Variants in ARMC7 observed in about 807,000 individuals in gnomAD.
The protein encoded by ARMC7 is armadillo repeat-containing protein 7.
In ARMC7, 9 loss-of-function variants were observed where a neutral mutation model predicts 14.8. That is an observed-to-expected ratio of 0.61 (90% confidence interval 0.37 to 1.06). ARMC7 has a LOEUF of 1.06. Ranked by LOEUF, ARMC7 falls within the 50% of genes least tolerant of loss-of-function variation. ARMC7 has a pLI of 0.01. For missense variants in ARMC7, 262 were observed against 267.1 expected (o/e 0.98, Z 0.13); for synonymous variants, 125 against 123.4 (o/e 1.01, Z -0.09).
intron 2 of ARMC7, among the ~76,000 whole-genome samples, chr17:75,121,752 G>A (rs1161111269): frequency 6.6e-6 from 1 of 152,130 alleles, no homozygotes; most frequent in Non-Finnish European, 1.5e-5. Flanking sequence ...TGAGTGTGTA[G>A]TGGCATGTTC....
chr17:75,110,953 C>CA (rs537195116), intron 2 of ARMC7, among the ~76,000 whole-genome samples: 11,603 of 48,528 alleles, frequency 0.24, 1,437 homozygotes, highest in African/African-American at 0.32. Context: ...GACCCCGTCT[C>CA]AAAAAAAAAA....
chr17:75,128,401 GA>G (rs2074068511), intron 2 of ARMC7, among the ~76,000 whole-genome samples: 1 of 151,790 alleles, frequency 6.6e-6, no homozygotes, highest in South Asian at 2.1e-4. Flanking sequence ...TTACATTTAA[GA>G]AAGGGGAAAA....
Position 75,129,023 on chromosome 17 carries a change from C to A in ARMC7, c.582C>A (p.Ala194=), listed in dbSNP as rs773019220. Residue 194 remains alanine, a synonymous_variant, in exon 3 of 3, where the codon GCC becomes GCA. Transcript: ENST00000245543. ...GTATCCCACTGCCGAGGAGCGTGGC[C>A]CCACGGCAGCGCTGATCCATGGAGA... The part of the protein sequence containing the change: ...ALGIPLPRSV[A]PRQR The A allele has an allele frequency of 7.5e-6, 12 of 1,597,098 alleles. No homozygotes were observed. The highest frequency in any genetic ancestry group is 9.3e-6 in the Non-Finnish European group (11 of 1,178,682).
At position 75,128,945 on chromosome 17, in the gene ARMC7, C is replaced by T. The variant is rs772617413; in HGVS notation, c.504C>T (p.Cys168=). ...NLAQIFLEDF[C]SPRQVAEARS... is the part of the protein sequence containing the mutation. Reference sequence around the variant, plus strand: ...CACAGATCTTCCTGGAGGACTTCTGCTCCCCCCGCCAGGTGGCCGAGGCCC... The same window carrying T: ...CACAGATCTTCCTGGAGGACTTCTGTTCCCCCCGCCAGGTGGCCGAGGCCC... Residue 168 remains cysteine (C), a synonymous_variant, in exon 3 of 3, where the codon TGC becomes TGT. Transcript: ENST00000245543. 1.2e-5 allele frequency: 20 copies of T among 1,606,258 alleles called. No homozygotes were observed. In the East Asian group the frequency reaches 4.5e-4, roughly 36 times the overall value.
At chr17:75,128,124 G>A (rs2074065331) in intron 2 of ARMC7, among the ~76,000 whole-genome samples, 3 of 151,960 alleles carry the variant, frequency 2.0e-5, no homozygotes, top group Admixed American at 6.6e-5. Context: ...GCCCAGGCTG[G>A]AGTGCAGTGA....
At chr17:75,113,479 C>A (rs1219763736) in intron 2 of ARMC7, among the ~76,000 whole-genome samples, 1 of 151,634 alleles carries the variant, frequency 6.6e-6, no homozygotes, top group African/African-American at 2.4e-5. Context: ...CTCAGCCTCC[C>A]AAGTAGCTGG....
Position 75,113,179 on chromosome 17 carries a change from A to C in ARMC7, c.235+2573A>C, listed in dbSNP as rs568978861. On this transcript the variant is annotated intron_variant, in intron 2 of 2. Coordinates refer to ENST00000245543, the MANE Select transcript of ARMC7 (RefSeq NM_024585.4). ...TATGGGATTATAGGCGCCCGCCACC[A>C]CGCCCGGCTAATTTTTGTGTTTTTA... Among the ~76,000 whole-genome samples, 4 of 150,610 alleles carry C rather than the reference A, an allele frequency of 2.7e-5. No homozygotes were observed. The East Asian group carries it at 7.9e-4, about 30-fold the overall frequency.
Position 75,128,660 on chromosome 17 carries a change from TC to T in ARMC7, c.236-15del. On this transcript the variant is annotated splice_polypyrimidine_tract_variant and intron_variant, in intron 2 of 2. Coordinates refer to ENST00000245543, the MANE Select transcript of ARMC7 (RefSeq NM_024585.4). ...CCCGGGGCTACAGCATCCAGACTCT[TC>T]CTTGCTCTCCCACAGGAGGCCTGTG... 1 of 1,602,634 alleles carries T rather than the reference TC, an allele frequency of 6.2e-7. No individual in the cohort carries two copies. Among genetic ancestry groups the T allele is most frequent in the Non-Finnish European group, 8.5e-7 (1 of 1,173,176 alleles).
chr17:75,119,911 TG>T (rs1356299036), intron 2 of ARMC7, among the ~76,000 whole-genome samples: 2 of 151,704 alleles, frequency 1.3e-5, no homozygotes, highest in Admixed American at 1.3e-4. Flanking sequence ...CACCTCGTTT[TG>T]TTTTGTTTTT....
intron 2 of ARMC7, 118 bp from the exon 3 acceptor site, chr17:75,128,559 T>C: frequency 7.2e-7 from 1 of 1,394,918 alleles, no homozygotes; most frequent in Non-Finnish European, 9.6e-7. Context: ...GGGCTTTGGA[T>C]GCCTTGTGCT....
intron 2 of ARMC7, among the ~76,000 whole-genome samples, chr17:75,119,852 T>G (rs1161422764): frequency 6.6e-6 from 1 of 152,160 alleles, no homozygotes; most frequent in Non-Finnish European, 1.5e-5. Context: ...GCCGAGGGCC[T>G]GCCCAGCCAC....
At chr17:75,122,519 GC>G (rs1397893806) in intron 2 of ARMC7, among the ~76,000 whole-genome samples, 1 of 151,306 alleles carries the variant, frequency 6.6e-6, no homozygotes, top group Non-Finnish European at 1.5e-5. Flanking sequence ...GTGCCACCAC[GC>G]CCAGCTAATT....
At chr17:75,110,735 G>A in intron 2 of ARMC7, 129 bp downstream of exon 2, 4 of 1,286,650 alleles carry the variant, frequency 3.1e-6, no homozygotes, top group Non-Finnish European at 4.3e-6. Context: ...AGCTAAGGCG[G>A]GCGGATCACC....
Position 75,124,801 on chromosome 17 carries a change from C to T in ARMC7, c.236-3876C>T, listed in dbSNP as rs180749479. ...ACTCAGTCTCTCATAGCCTTGACTTCTCCCATGGAAATGGGGGTGATGTTA... is the reference window on the plus strand; with the variant it reads ...ACTCAGTCTCTCATAGCCTTGACTTTTCCCATGGAAATGGGGGTGATGTTA... On this transcript the variant is annotated intron_variant, in intron 2 of 2. Coordinates refer to ENST00000245543, the MANE Select transcript of ARMC7 (RefSeq NM_024585.4). Among the ~76,000 whole-genome samples, 527 of 151,924 alleles carry T rather than the reference C, an allele frequency of 3.5e-3. 1 individual carries two copies. The highest frequency in any genetic ancestry group is 4.0e-3 in the Non-Finnish European group (271 of 67,692).
At chr17:75,123,323 C>G (rs2145131095) in intron 2 of ARMC7, among the ~76,000 whole-genome samples, 1 of 149,904 alleles carries the variant, frequency 6.7e-6, no homozygotes, top group South Asian at 2.1e-4. Context: ...GCTGGGATGA[C>G]AGGCATGAGC....
At chr17:75,117,834 C>T (rs972066375) in intron 2 of ARMC7, among the ~76,000 whole-genome samples, 5 of 152,036 alleles carry the variant, frequency 3.3e-5, no homozygotes, top group Non-Finnish European at 5.9e-5. Flanking sequence ...AAGATGTTAT[C>T]TTTAGGCCGG....
chr17:75,110,606 G>A lies in ARMC7; in HGVS notation c.235G>A (p.Gly79Arg). 6.2e-7 allele frequency: 1 copy of A among 1,614,198 alleles called. No individual in the cohort carries two copies. Among genetic ancestry groups the A allele is most frequent in the Non-Finnish European group, 8.5e-7 (1 of 1,180,038 alleles). ...TGAGACCCTGGTGGAGTTTGCTATT[G>A]GTAAGGGCGGGGCCCGTTCCCTAGA... ...ENETLVEFAI[G>R]GLCNLCPDRA... The change falls in exon 2 of 3, where the codon GGA (glycine) becomes AGA (arginine). Residue 79 changes from glycine to arginine, a missense_variant and splice_region_variant. By Grantham distance (125) the Gly-to-Arg change is moderately radical. Transcript: ENST00000245543.
chr17:75,126,313 C>T (rs1016170741), intron 2 of ARMC7, among the ~76,000 whole-genome samples: 1 of 152,128 alleles, frequency 6.6e-6, no homozygotes, highest in Non-Finnish European at 1.5e-5. Flanking sequence ...GGGGGCCTGA[C>T]TTGAGGGAAT....
intron 2 of ARMC7, among the ~76,000 whole-genome samples, chr17:75,127,525 C>T (rs1001472602): frequency 6.6e-6 from 1 of 152,204 alleles, no homozygotes; most frequent in African/African-American, 2.4e-5. Context: ...TCTGGAACTC[C>T]TGACCTCAGG....
Sources: allele counts gnomAD v4.1 joint callset (sites outside exome capture counted in the v4.1 genomes callset), GRCh38; gene constraint gnomAD v4.1.1; transcripts MANE v1.5; gene names NCBI Gene and HGNC (gene_info 2026-07-23, HGNC 2026-07-21).